Variants in TMEM114 observed in about 807,000 individuals in gnomAD.
TMEM114 encodes the protein transmembrane protein 114.
In TMEM114, 6 loss-of-function variants were observed where a neutral mutation model predicts 6.2. That is an observed-to-expected ratio of 0.97 (90% CI 0.53 to 1.91). TMEM114 has a LOEUF of 1.91. Ranked by LOEUF, TMEM114 falls within the 40% of genes most tolerant of loss-of-function variation. TMEM114 has a pLI of 0.01. For synonymous variants in TMEM114, 104 were observed against 73.0 expected (o/e 1.42, Z -2.16); for missense variants, 218 against 158.3 (o/e 1.38, Z -2.02).
intron 2 of TMEM114, among the ~76,000 whole-genome samples, chr16:8,542,148 G>T (rs1567194500): frequency 6.6e-6 from 1 of 151,776 alleles, no homozygotes; most frequent in African/African-American, 2.4e-5. Context: ...TTCGTGGGGG[G>T]GGGTCCCTTG....
intron 2 of TMEM114, among the ~76,000 whole-genome samples, chr16:8,546,552 A>G (rs975584982): frequency 6.6e-6 from 1 of 152,200 alleles, no homozygotes; most frequent in African/African-American, 2.4e-5. Context: ...CACTATCTCT[A>G]GCAATTGGTT....
intron 2 of TMEM114, among the ~76,000 whole-genome samples, chr16:8,549,307 C>A (rs909575895): frequency 6.6e-6 from 1 of 151,568 alleles, no homozygotes; most frequent in African/African-American, 2.4e-5. Context: ...CGAGACCAGC[C>A]TGGCCAACAT....
chr16:8,563,958 T>A (rs1596480310), intron 2 of TMEM114, among the ~76,000 whole-genome samples: 1 of 148,390 alleles, frequency 6.7e-6, no homozygotes, highest in Admixed American at 6.7e-5. Context: ...AATGAGTGAG[T>A]GAATGAGTGA....
intron 2 of TMEM114, among the ~76,000 whole-genome samples, chr16:8,582,848 C>T (rs531356863): frequency 6.6e-6 from 1 of 152,020 alleles, no homozygotes; most frequent in South Asian, 2.1e-4. Context: ...GCAGTGATCT[C>T]AGATCTCAGC....
chr16:8,562,628 A>T (rs372583105), intron 2 of TMEM114, among the ~76,000 whole-genome samples: 2 of 145,962 alleles, frequency 1.4e-5, no homozygotes, highest in Non-Finnish European at 3.0e-5. Flanking sequence ...GAGTGAGTGA[A>T]TGAATCAGTC....
At chr16:8,583,719 G>A (rs1397210802) in intron 2 of TMEM114, among the ~76,000 whole-genome samples, 1 of 151,860 alleles carries the variant, frequency 6.6e-6, no homozygotes, top group Non-Finnish European at 1.5e-5. Flanking sequence ...CTACACTGCA[G>A]CCTGGGCAAC....
chr16:8,584,068 A>G (rs1902240098), intron 2 of TMEM114, among the ~76,000 whole-genome samples: 1 of 152,222 alleles, frequency 6.6e-6, no homozygotes, highest in Non-Finnish European at 1.5e-5. Context: ...AATTCATGAG[A>G]AACAGAACGT....
intron 2 of TMEM114, among the ~76,000 whole-genome samples, chr16:8,552,462 T>C (rs944540209): frequency 4.0e-5 from 6 of 151,866 alleles, no homozygotes; most frequent in African/African-American, 7.3e-5. Context: ...TGCTTCATGA[T>C]TGTGCTGTGC....
intron 2 of TMEM114, among the ~76,000 whole-genome samples, chr16:8,577,888 A>G (rs1232416620): frequency 3.9e-5 from 6 of 152,122 alleles, no homozygotes; most frequent in African/African-American, 1.4e-4. Flanking sequence ...AGTGTTTTCA[A>G]AAGCACTGAA....
chr16:8,553,541 A>G (rs566242770), intron 2 of TMEM114, among the ~76,000 whole-genome samples: 20 of 152,096 alleles, frequency 1.3e-4, no homozygotes, highest in Non-Finnish European at 2.8e-4. Flanking sequence ...GCTGGAGTGC[A>G]GTGGCACGAT....
At chr16:8,558,745 C>CTT (rs5815478) in intron 2 of TMEM114, among the ~76,000 whole-genome samples, 1 of 145,272 alleles carries the variant, frequency 6.9e-6, no homozygotes, top group African/African-American at 2.5e-5. Context: ...GCACCCAGTT[C>CTT]TTTTTTTTTT....
chr16:8,573,169 G>T (rs932911619), intron 2 of TMEM114, among the ~76,000 whole-genome samples: 1 of 152,142 alleles, frequency 6.6e-6, no homozygotes, highest in African/African-American at 2.4e-5. Context: ...TGGATGAAGG[G>T]CTTTGGGCAT....
chr16:8,556,840 G>A (rs550941818), intron 2 of TMEM114, among the ~76,000 whole-genome samples: 107 of 152,318 alleles, frequency 7.0e-4, no homozygotes, highest in African/African-American at 2.4e-3. Flanking sequence ...TAAATTTTAT[G>A]TCATGTGTAT....
the TMEM114 span, chr16:8,526,560 G>A: frequency 6.6e-6 from 1 of 151,980 alleles, no homozygotes; most frequent in Non-Finnish European, 1.5e-5. Context: ...TGTTCTGATA[G>A]AGCCAATATT....
chr16:8,561,408 C>G (rs955140365), intron 2 of TMEM114, among the ~76,000 whole-genome samples: 1 of 152,240 alleles, frequency 6.6e-6, no homozygotes, highest in Admixed American at 6.5e-5. Flanking sequence ...GAAGCATACC[C>G]CGCATTCCAC....
rs1007091980 is a variant in TMEM114, at chr16:8,589,771, A to G, written c.68T>C (p.Leu23Pro). The G allele has an allele frequency of 5.0e-6, 2 of 398,370 alleles. No individual in the cohort carries two copies. Among genetic ancestry groups the G allele is most frequent in the Admixed American group, 4.4e-5 (1 of 22,696 alleles). 24.7% of individuals were successfully genotyped at this position (398,370 alleles called of 1,614,324 possible). Reference sequence around the variant, plus strand: ...GAAGTCCGTGCCGATGGCGGCCGCCAGGAGCACAAAGCTGAGCGCCCCGGT... The same window carrying G: ...GAAGTCCGTGCCGATGGCGGCCGCCGGGAGCACAAAGCTGAGCGCCCCGGT... ...ALTGALSFVLLAAAIGTDFWY... is the reference protein window; with the variant it reads ...ALTGALSFVLPAAAIGTDFWY... The change falls in exon 1 of 4, where the codon CTG becomes CCG. Residue 23 changes from leucine (L) to proline (P), a missense_variant. Coordinates refer to ENST00000620492, the MANE Select transcript of TMEM114 (RefSeq NM_001146336.2).
At chr16:8,564,097 A>T (rs537189733) in intron 2 of TMEM114, among the ~76,000 whole-genome samples, 2 of 149,974 alleles carry the variant, frequency 1.3e-5, no homozygotes, top group African/African-American at 2.5e-5. Context: ...GAGTGAGTGA[A>T]TGAGTGAGGA....
chr16:8,534,590 A>T (rs1900302576), downstream of TMEM114, among the ~76,000 whole-genome samples: 1 of 152,194 alleles, frequency 6.6e-6, no homozygotes, highest in Non-Finnish European at 1.5e-5. Flanking sequence ...GGGGTGGTAC[A>T]TCAGATGGGA....
In TMEM114 at chr16:8,554,067, C is replaced by A. The variant is rs149328209; in HGVS notation, n.213-16241G>T. On this transcript the variant is annotated intron_variant and non_coding_transcript_variant, in intron 2 of 2. Transcript: ENST00000623677. ...TTAATTTTTGTGTTTTTTGTAGAGA[C>A]AGGGTTTCACCATGTTGCCCAGGCT... Among the ~76,000 whole-genome samples the A allele has an allele frequency of 5.4e-3, 823 of 152,158 alleles. 2 individuals carry two copies. The highest frequency in any genetic ancestry group is 0.019 in the African/African-American group (780 of 41,520).
Sources: allele counts gnomAD v4.1 joint callset (sites outside exome capture counted in the v4.1 genomes callset), GRCh38; gene constraint gnomAD v4.1.1; transcripts MANE v1.5; gene names NCBI Gene and HGNC (gene_info 2026-07-23, HGNC 2026-07-21).